Variants in ATG4B observed in about 807,000 individuals in gnomAD.
ATG4B encodes cysteine protease ATG4B.
A neutral mutation model predicts 56.6 loss-of-function variants in ATG4B; 29 were observed. That is an observed-to-expected ratio of 0.51 (90% CI 0.38 to 0.70). The LOEUF is 0.70. Among genes scored for constraint, ATG4B ranks in the 30% least tolerant of loss-of-function variants. The pLI is 0.00. For synonymous variants in ATG4B, 224 were observed against 206.1 expected (o/e 1.09, Z -0.74); for missense variants, 461 against 515.5 (o/e 0.89, Z 1.02).
chr2:241,663,055 G>C (rs1387101564), intron 7 of ATG4B, among the ~76,000 whole-genome samples: 1 of 151,918 alleles, frequency 6.6e-6, no homozygotes, highest in East Asian at 1.9e-4. Flanking sequence ...GGTCAACATC[G>C]TAAAACCCCA....
chr2:241,649,130 C>T (rs917132293), intron 1 of ATG4B, among the ~76,000 whole-genome samples: 3 of 152,176 alleles, frequency 2.0e-5, no homozygotes, highest in Non-Finnish European at 4.4e-5. Context: ...TTACCAGTAC[C>T]CAAGCTGGGC....
chr2:241,672,026 T>G, intron 12 of ATG4B, 165 bp from the exon 13 acceptor site: 215 of 1,345,338 alleles, frequency 1.6e-4, no homozygotes, highest in East Asian at 7.3e-4. Flanking sequence ...TCCCCCCATA[T>G]TCGCAGGTCT....
intron 8 of ATG4B, 97 bp downstream of exon 8, chr2:241,666,935 A>G: frequency 7.2e-7 from 1 of 1,398,110 alleles, no homozygotes; most frequent in Non-Finnish European, 9.6e-7. Flanking sequence ...CCATTTGTGC[A>G]GCCGGCTCTC....
At position 241,651,795 on chromosome 2, in the gene ATG4B, A is replaced by C. The variant is rs1474243973; in HGVS notation, c.184+460A>C. On this transcript the variant is annotated intron_variant, in intron 3 of 12. Coordinates refer to ENST00000404914, the MANE Select transcript of ATG4B (RefSeq NM_013325.5). The surrounding 1 kb of genome is among the most constrained non-coding windows in gnomAD (Gnocchi z 4.1). ...CTCTGTAGCCCTCATCTTTTTTAGT[A>C]TTTTCCACACTTAACCTGTGGGGAG... is the stretch of plus-strand genomic sequence containing the variant. 1 of 899,522 alleles carries C rather than the reference A, an allele frequency of 1.1e-6. No individual in the cohort carries two copies. Among genetic ancestry groups the C allele is most frequent in the Non-Finnish European group, 1.6e-6 (1 of 631,462 alleles). 55.7% of individuals were successfully genotyped at this position (899,522 alleles called of 1,614,324 possible). A position where few individuals can be genotyped will look rare whatever the true frequency, so the allele number is the denominator to read the frequency against.
intron 1 of ATG4B, among the ~76,000 whole-genome samples, chr2:241,646,508 G>C (rs1429629939): frequency 6.6e-6 from 1 of 152,164 alleles, no homozygotes; most frequent in African/African-American, 2.4e-5. Flanking sequence ...TTGACTTTAC[G>C]ATAGTGTGAA....
At chr2:241,655,481 G>A (rs1414843165) in intron 6 of ATG4B, 138 bp downstream of exon 6, 1 of 834,272 alleles carries the variant, frequency 1.2e-6, no homozygotes, top group African/African-American at 1.7e-5. Context: ...AGGTTTCTCA[G>A]CGATGACTGT....
chr2:241,667,393 C>T (rs1053114856), intron 8 of ATG4B, among the ~76,000 whole-genome samples: 3 of 151,944 alleles, frequency 2.0e-5, no homozygotes, highest in Non-Finnish European at 2.9e-5. Flanking sequence ...ATCACGAGGT[C>T]AGGAGTCTGA....
rs7943 is a variant in ATG4B at position 241,673,674 on chromosome 2, A to G, written c.*1410A>G. 258,578 of 455,894 alleles carry G rather than the reference A, an allele frequency of 0.57. 76,540 individuals carry two copies. Among genetic ancestry groups the G allele is most frequent in the Middle Eastern group, 0.72 (1,755 of 2,448 alleles). 28.2% of individuals were successfully genotyped at this position (455,894 alleles called of 1,614,324 possible). On this transcript the variant is annotated 3_prime_UTR_variant, in exon 13 of 13. Transcript: ENST00000404914. ...GTGCGATCTCCATTCCTTGGGCTCCACGTCCGAGTTCATGGTGCGCCGCTG... is the reference window on the plus strand; with the variant it reads ...GTGCGATCTCCATTCCTTGGGCTCCGCGTCCGAGTTCATGGTGCGCCGCTG...
At chr2:241,671,696 A>G in intron 12 of ATG4B, 10 of 1,358,306 alleles carry the variant, frequency 7.4e-6, no homozygotes, top group South Asian at 1.5e-5. Flanking sequence ...CAGACAGAAC[A>G]TGCAGGCTCT....
rs539520063 is a variant in ATG4B, at chr2:241,668,173, G to A, written c.763G>A (p.Val255Ile). The change falls in exon 9 of 13, where the codon GTC (valine) becomes ATC (isoleucine). Residue 255 changes from valine to isoleucine, a missense_variant. Val to Ile is a conservative substitution (Grantham distance 29, BLOSUM62 3). Coordinates refer to ENST00000404914, the MANE Select transcript of ATG4B (RefSeq NM_013325.5). The surrounding 1 kb of genome is among the most constrained non-coding windows in gnomAD (Gnocchi z 4.2). ...HCFMMPQSLG[V>I]IGGKPNSAHY... ...CTTCATGATGCCCCAGTCCCTGGGC[G>A]TCATCGGAGGGAAGCCCAACAGCGC... The A allele has an allele frequency of 7.5e-5, 121 of 1,606,456 alleles. No homozygotes were observed. Among genetic ancestry groups the A allele is most frequent in the South Asian group, 1.0e-4 (9 of 89,004 alleles).
chr2:241,642,058 A>G (rs562247169), intron 1 of ATG4B, among the ~76,000 whole-genome samples: 140 of 152,188 alleles, frequency 9.2e-4, no homozygotes, highest in Non-Finnish European at 1.8e-3. Flanking sequence ...ACTTGAATTA[A>G]TAATAACCTA....
chr2:241,672,373 CCCCCCA>C lies in ATG4B; in HGVS notation c.*110_*115del. On this transcript the variant is annotated 3_prime_UTR_variant, in exon 13 of 13. Transcript: ENST00000404914. ...CCGAGGGCTGCGCCCCGTGCTGCCT[CCCCCCA>C]GAGGGCCACCCGCTGTGCTCGTGGA... 4 of 1,049,554 alleles carry C rather than the reference CCCCCCA, an allele frequency of 3.8e-6. No individual in the cohort carries two copies. The highest frequency in any genetic ancestry group is 4.2e-6 in the Non-Finnish European group (3 of 712,718). 65.0% of individuals were successfully genotyped at this position (1,049,554 alleles called of 1,614,324 possible). A position where few individuals can be genotyped will look rare whatever the true frequency, so the allele number is the denominator to read the frequency against.
rs769617059 is a variant in ATG4B, at chr2:241,671,293, G to A, written c.1015-19G>A. 1.3e-5 allele frequency: 21 copies of A among 1,605,680 alleles called. No homozygotes were observed. The highest frequency in any genetic ancestry group is 1.1e-4 in the East Asian group (5 of 44,562). On this transcript the variant is annotated intron_variant, in intron 11 of 12. Transcript: ENST00000404914. ...GCACTGGGGTGAGGCTGCACCTAAC[G>A]GCCATGTCTCACTAACAGCTGTCTC...
chr2:241,662,913 T>C (rs949232301), intron 7 of ATG4B, among the ~76,000 whole-genome samples: 12 of 152,070 alleles, frequency 7.9e-5, no homozygotes, highest in Non-Finnish European at 1.3e-4. Flanking sequence ...CCGGGCATGG[T>C]GGCTCACGCC....
At chr2:241,671,264 G>A (rs746980626) in intron 11 of ATG4B, 48 bp from the exon 12 acceptor site, 18 of 1,540,822 alleles carry the variant, frequency 1.2e-5, no homozygotes, top group Non-Finnish European at 1.4e-5. Flanking sequence ...CTTGGCCGCA[G>A]CAAGCACTGG....
intron 1 of ATG4B, among the ~76,000 whole-genome samples, chr2:241,649,510 C>G (rs1002721213): frequency 6.6e-6 from 1 of 152,186 alleles, no homozygotes; most frequent in Admixed American, 6.5e-5. Context: ...GATGAGTGAT[C>G]AGACACCATC....
At chr2:241,662,418 T>C (rs1003933276) in intron 7 of ATG4B, among the ~76,000 whole-genome samples, 4 of 152,158 alleles carry the variant, frequency 2.6e-5, no homozygotes, top group Non-Finnish European at 4.4e-5. Flanking sequence ...GTAGTTGTCA[T>C]TGATAGAGAA....
intron 1 of ATG4B, among the ~76,000 whole-genome samples, chr2:241,647,466 A>G (rs1052366598): frequency 6.6e-6 from 1 of 151,756 alleles, no homozygotes; most frequent in Non-Finnish European, 1.5e-5. Context: ...AAAAAAATAC[A>G]AAAAATTAGC....
chr2:241,670,602 G>C (rs1455935581), intron 10 of ATG4B, 124 bp from the exon 11 acceptor site: 1 of 922,610 alleles, frequency 1.1e-6, no homozygotes, highest in Non-Finnish European at 1.7e-6. Flanking sequence ...AGGCAGGCTG[G>C]AATGTCCAGC....
Sources: gnomAD v4.1 joint callset for allele counts (sites outside exome capture counted in the v4.1 genomes callset) on GRCh38, gnomAD v4.1.1 for gene constraint, Gnocchi (gnomAD v3.1) non-coding constraint, MANE v1.5 for transcripts, NCBI Gene and HGNC (gene_info 2026-07-23, HGNC 2026-07-21) for gene names.